The following NRXN3 variants were observed in gnomAD, a reference collection of about 807,000 sequenced individuals.
NRXN3 encodes the protein neurexin 3.
A neutral mutation model predicts 137.6 loss-of-function variants in NRXN3; 32 were observed. The observed-to-expected ratio is 0.23, with a 90% CI of 0.18 to 0.31. The LOEUF is 0.31. Ranked by LOEUF, NRXN3 falls within the 10% of genes least tolerant of loss-of-function variation. The pLI, the probability that NRXN3 is intolerant of heterozygous loss-of-function variation, is 1.00. For synonymous variants in NRXN3, 798 were observed against 784.5 expected, an observed-to-expected ratio of 1.02 and a Z score of -0.29; for missense variants, 1,574 against 2,062.5, an observed-to-expected ratio of 0.76 and a Z score of 4.59.
intron 15 of NRXN3, among the ~76,000 whole-genome samples, chr14:79,420,369 A>T (rs753849604): frequency 6.6e-6 from 1 of 152,122 alleles, no homozygotes; most frequent in African/African-American, 2.4e-5. Context: ...GTGATTTTTT[A>T]AACTGATGTA....
At chr14:79,774,544 C>G (rs1025326584) in intron 19 of NRXN3, among the ~76,000 whole-genome samples, 5 of 152,102 alleles carry the variant, frequency 3.3e-5, no homozygotes, top group African/African-American at 4.8e-5. Context: ...GGACTTTAGA[C>G]ATTGGATTAT....
chr14:78,840,969 A>T (rs937042421), intron 10 of NRXN3, among the ~76,000 whole-genome samples: 1 of 152,190 alleles, frequency 6.6e-6, no homozygotes. Context: ...TTACTGACTT[A>T]TGAGGTGGGT....
intron 16 of NRXN3, among the ~76,000 whole-genome samples, chr14:79,609,421 A>G (rs1311145547): frequency 6.6e-6 from 1 of 152,200 alleles, no homozygotes. Flanking sequence ...AGAAGTTTGG[A>G]GAATAAACAA....
chr14:78,370,466 C>T (rs937178237), intron 4 of NRXN3, among the ~76,000 whole-genome samples: 1 of 152,074 alleles, frequency 6.6e-6, no homozygotes, highest in Admixed American at 6.5e-5. Flanking sequence ...ATTCTTTAAA[C>T]TTTTACTTCA....
chr14:79,185,676 A>C (rs922534050), intron 15 of NRXN3, among the ~76,000 whole-genome samples: 8 of 152,082 alleles, frequency 5.3e-5, no homozygotes, highest in Admixed American at 4.6e-4. Flanking sequence ...CATGTTAGCC[A>C]GGATGGTCTC....
At chr14:78,685,814 T>C (rs375732418) in intron 6 of NRXN3, among the ~76,000 whole-genome samples, 44 of 139,362 alleles carry the variant, frequency 3.2e-4, no homozygotes, top group South Asian at 8.5e-4. Flanking sequence ...TTCTTTCTTT[T>C]TTTTTTTTTT....
intron 4 of NRXN3, among the ~76,000 whole-genome samples, chr14:78,343,660 A>T (rs1030456950): frequency 2.0e-5 from 3 of 152,176 alleles, no homozygotes; most frequent in Non-Finnish European, 4.4e-5. Flanking sequence ...ATTCAGTCTC[A>T]ATTAAAAATC....
intron 15 of NRXN3, among the ~76,000 whole-genome samples, chr14:79,000,514 C>T (rs578257813): frequency 1.3e-5 from 2 of 152,218 alleles, no homozygotes; most frequent in South Asian, 2.1e-4. Context: ...CCTAAATTCT[C>T]GATATTTGGG....
At chr14:79,806,510 A>G (rs1257216524) in intron 20 of NRXN3, among the ~76,000 whole-genome samples, 1 of 152,022 alleles carries the variant, frequency 6.6e-6, no homozygotes, top group Non-Finnish European at 1.5e-5. Context: ...AGTAAATGTG[A>G]TCTGGTCAGG....
chr14:79,193,162 T>A (rs563777503), intron 15 of NRXN3, among the ~76,000 whole-genome samples: 1 of 152,010 alleles, frequency 6.6e-6, no homozygotes, highest in East Asian at 1.9e-4. Flanking sequence ...TTGAAAAAAA[T>A]TGAACTTCTG....
chr14:79,748,606 T>A (rs1450314653), intron 19 of NRXN3, among the ~76,000 whole-genome samples: 1 of 152,094 alleles, frequency 6.6e-6, no homozygotes, highest in Non-Finnish European at 1.5e-5. Flanking sequence ...TTTGAAGCCA[T>A]ATATTCACTC....
intron 10 of NRXN3, among the ~76,000 whole-genome samples, chr14:78,824,215 A>G (rs574254927): frequency 6.6e-6 from 1 of 150,562 alleles, no homozygotes; most frequent in South Asian, 2.1e-4. Flanking sequence ...ATACTAAGGC[A>G]TATCTACCCT....
At chr14:79,764,663 C>T (rs2099050181) in intron 19 of NRXN3, among the ~76,000 whole-genome samples, 1 of 152,040 alleles carries the variant, frequency 6.6e-6, no homozygotes, top group Non-Finnish European at 1.5e-5. Flanking sequence ...AACTGCCAGT[C>T]ATAGAGCATT....
chr14:79,132,467 G>A (rs1240216610), intron 15 of NRXN3, among the ~76,000 whole-genome samples: 2 of 152,084 alleles, frequency 1.3e-5, no homozygotes, highest in Non-Finnish European at 1.5e-5. Flanking sequence ...ACATTTTGAA[G>A]TAATATTTTG....
At chr14:78,826,988 C>A (rs995745012) in intron 10 of NRXN3, among the ~76,000 whole-genome samples, 1 of 152,100 alleles carries the variant, frequency 6.6e-6, no homozygotes, top group Admixed American at 6.5e-5. Context: ...AAAATAAGTT[C>A]TCCCTGATTT....
chr14:79,568,627 C>A (rs890639069), intron 16 of NRXN3, among the ~76,000 whole-genome samples: 6 of 152,290 alleles, frequency 3.9e-5, no homozygotes, highest in African/African-American at 1.4e-4. Context: ...CCGGGAGACT[C>A]CTCCTGTGGC....
intron 4 of NRXN3, among the ~76,000 whole-genome samples, chr14:78,365,339 G>A (rs78071910): frequency 6.6e-6 from 1 of 152,158 alleles, no homozygotes; most frequent in East Asian, 1.9e-4. Context: ...AGGTTTATTT[G>A]TTGCTCACAT....
At chr14:78,472,846 A>G (rs2095302711) in intron 4 of NRXN3, among the ~76,000 whole-genome samples, 1 of 152,106 alleles carries the variant, frequency 6.6e-6, no homozygotes, top group Non-Finnish European at 1.5e-5. Context: ...AATATTCTCT[A>G]AACAATAGGT....
At chr14:78,792,885 A>G (rs2098809951) in intron 8 of NRXN3, among the ~76,000 whole-genome samples, 2 of 152,206 alleles carry the variant, frequency 1.3e-5, no homozygotes, top group African/African-American at 2.4e-5. Flanking sequence ...ATATAACACT[A>G]AAGAGTTCTT....
Sources: allele counts gnomAD v4.1 joint callset (sites outside exome capture counted in the v4.1 genomes callset), GRCh38; gene constraint gnomAD v4.1.1; transcripts MANE v1.5; gene names NCBI Gene and HGNC (gene_info 2026-07-23, HGNC 2026-07-21).